Variants in DNA2 observed in about 807,000 individuals in gnomAD.
DNA2 encodes the protein DNA replication ATP-dependent helicase/nuclease DNA2.
A neutral mutation model predicts 119.1 loss-of-function variants in DNA2; 101 were observed. That is an observed-to-expected ratio of 0.85 (90% CI 0.72 to 1.00). The LOEUF (loss-of-function observed/expected upper bound fraction) is 1.00. Among genes scored for constraint, DNA2 ranks in the 50% least tolerant of loss-of-function variants. The pLI is 0.00. For missense variants in DNA2, 1,121 were observed against 1,255.5 expected (o/e 0.89, Z 1.62); for synonymous variants, 366 against 424.4 (o/e 0.86, Z 1.69).
chr10:68,453,156 C>T (rs2052142023), intron 5 of DNA2, among the ~76,000 whole-genome samples: 1 of 152,096 alleles, frequency 6.6e-6, no homozygotes, highest in Non-Finnish European at 1.5e-5. Flanking sequence ...CCATCTCAGC[C>T]TCCCAAAGTG....
At chr10:68,449,993 T>C in intron 6 of DNA2, 35 bp downstream of exon 6, 1 of 1,305,922 alleles carries the variant, frequency 7.7e-7, no homozygotes, top group Non-Finnish European at 1.0e-6. Context: ...AAAAAAAAAG[T>C]ATAAAACAGA....
At position 68,422,731 on chromosome 10, in the gene DNA2, G is replaced by A. The variant is rs781647240; in HGVS notation, c.2368C>T (p.Gln790Ter). The A allele has an allele frequency of 1.9e-6, 3 of 1,612,000 alleles. No individual in the cohort carries two copies. Among genetic ancestry groups the A allele is most frequent in the East Asian group, 4.5e-5 (2 of 44,868 alleles). ...RRFVLVGDHQ[Q>*]LPPLVLNREA... ...CGGTTTAGCACCAGGGGAGGAAGCT[G>A]CTGATGGTCCCCCACTAACACAAAT... The change falls in exon 15 of 21, where the codon CAG becomes TAG. Residue 790 changes from glutamine to a stop codon, truncating the protein, a stop_gained. Transcript: ENST00000358410. LOFTEE classifies it high-confidence loss of function.
At chr10:68,441,595 G>A (rs779635692) in intron 9 of DNA2, among the ~76,000 whole-genome samples, 2 of 152,046 alleles carry the variant, frequency 1.3e-5, no homozygotes, top group Admixed American at 1.3e-4. Flanking sequence ...GGCCAAGATG[G>A]TGAAACCCTG....
intron 17 of DNA2, 36 bp from the exon 18 acceptor site, chr10:68,419,928 A>C (rs372492594): frequency 6.4e-7 from 1 of 1,556,196 alleles, no homozygotes; most frequent in East Asian, 2.2e-5. Flanking sequence ...TGATAATACA[A>C]TCTCTAAAGA....
chr10:68,434,971 C>T lies in DNA2; in HGVS notation c.1646+2040G>A, dbSNP rs191449616. Among the ~76,000 whole-genome samples, 6 of 152,266 alleles carry T rather than the reference C, an allele frequency of 3.9e-5. No homozygotes were observed. The East Asian group carries it at 1.2e-3, about 29-fold the overall frequency. On this transcript the variant is annotated intron_variant, in intron 10 of 20. Transcript: ENST00000358410. ...ATGCCCGTATTAACTGTAAGAAATG[C>T]TGGAAAACACAATCCATCTGACTGT...
intron 2 of DNA2, among the ~76,000 whole-genome samples, chr10:68,468,567 A>G (rs1438493459): frequency 6.6e-6 from 1 of 152,180 alleles, no homozygotes; most frequent in Non-Finnish European, 1.5e-5. Flanking sequence ...AGGGAAAACA[A>G]CTTAGTGCCA....
At chr10:68,456,750 A>C (rs1002772868) in intron 5 of DNA2, among the ~76,000 whole-genome samples, 2 of 151,980 alleles carry the variant, frequency 1.3e-5, no homozygotes, top group Non-Finnish European at 2.9e-5. Flanking sequence ...AAATGTTATA[A>C]AATATTGAAA....
At chr10:68,470,807 A>C (rs1045867348) in intron 1 of DNA2, among the ~76,000 whole-genome samples, 1 of 152,180 alleles carries the variant, frequency 6.6e-6, no homozygotes, top group African/African-American at 2.4e-5. Context: ...GAGCCACAGA[A>C]TTGTACTTAG....
chr10:68,422,796 C>A lies in DNA2; in HGVS notation c.2303G>T (p.Ser768Ile), dbSNP rs370273531. 3.7e-6 allele frequency: 6 copies of A among 1,611,496 alleles called. No homozygotes were observed. The highest frequency in any genetic ancestry group is 5.1e-6 in the Non-Finnish European group (6 of 1,179,456). ...AAGGGGGCCCAGACAAATTGGTTGG[C>A]TAATTTGAGAGGCTTCATCCACAAT... ...FCIVDEASQISQPICLGPLFF... is the reference protein window; with the variant it reads ...FCIVDEASQIIQPICLGPLFF... Residue 768 changes from serine (S) to isoleucine (I), a missense_variant, in exon 15 of 21, where the codon AGC (serine) becomes ATC (isoleucine). Coordinates refer to ENST00000358410, the MANE Select transcript of DNA2 (RefSeq NM_001080449.3).
rs199595164 is a variant in DNA2, at chr10:68,442,975, G to T, written c.1357C>A (p.Gln453Lys). ...TGATTCTTTTTATTATCCTTCGATT[G>T]TGACTCCAGGGTTAACATTAGACAC... is the stretch of plus-strand genomic sequence containing the variant. ...LWCLMLTLES[Q>K]SKDNKKNHQN... Residue 453 changes from glutamine to lysine, a missense_variant, in exon 9 of 21, where the codon CAA (glutamine) becomes AAA (lysine). By Grantham distance (53) the Gln-to-Lys change is moderately conservative (BLOSUM62 1). Coordinates refer to ENST00000358410, the MANE Select transcript of DNA2 (RefSeq NM_001080449.3). 6.2e-7 allele frequency: 1 copy of T among 1,612,360 alleles called. No homozygotes were observed. Among genetic ancestry groups the T allele is most frequent in the Non-Finnish European group, 8.5e-7 (1 of 1,179,390 alleles).
At chr10:68,428,065 C>T (rs1206740006) in intron 14 of DNA2, among the ~76,000 whole-genome samples, 2 of 150,578 alleles carry the variant, frequency 1.3e-5, no homozygotes, top group Non-Finnish European at 3.0e-5. Flanking sequence ...CAGTGGCTCA[C>T]GCCTGTAATC....
At chr10:68,424,568 C>A in intron 14 of DNA2, 2 of 917,860 alleles carry the variant, frequency 2.2e-6, no homozygotes, top group Non-Finnish European at 3.6e-6. Context: ...CCATGAAGTT[C>A]AATCCCTTCG....
upstream of DNA2, chr10:68,472,052 A>G (rs1440191885): frequency 2.5e-6 from 4 of 1,599,288 alleles, no homozygotes; most frequent in Non-Finnish European, 3.4e-6. Flanking sequence ...GGGGCCCCTC[A>G]CCTGAGCAGC....
chr10:68,464,420 C>A (rs2052299927), intron 4 of DNA2, among the ~76,000 whole-genome samples: 1 of 151,952 alleles, frequency 6.6e-6, no homozygotes, highest in Non-Finnish European at 1.5e-5. Flanking sequence ...GAGGCTGAGG[C>A]AGGAAAATTG....
chr10:68,422,790 G>C lies in DNA2; in HGVS notation c.2309C>G (p.Pro770Arg). ...IVDEASQISQ[P>R]ICLGPLFFSR... ...AAAAAAAAGGGGGCCCAGACAAATT[G>C]GTTGGCTAATTTGAGAGGCTTCATC... is the stretch of plus-strand genomic sequence containing the variant. Residue 770 changes from proline (P) to arginine (R), a missense_variant, in exon 15 of 21, where the codon CCA becomes CGA. Pro to Arg is a moderately radical substitution (Grantham distance 103). Transcript: ENST00000358410. The C allele has an allele frequency of 6.2e-7, 1 of 1,609,980 alleles. No individual in the cohort carries two copies.
At chr10:68,424,739 A>T (rs897816361) in intron 14 of DNA2, 185 of 1,558,554 alleles carry the variant, frequency 1.2e-4, no homozygotes, top group Non-Finnish European at 1.5e-4. Context: ...TAGTTCAAGG[A>T]CACTACAAAG....
At chr10:68,432,913 G>C (rs146256311) in intron 10 of DNA2, among the ~76,000 whole-genome samples, 4 of 152,110 alleles carry the variant, frequency 2.6e-5, no homozygotes, top group South Asian at 2.1e-4. Context: ...GTATTCCCTA[G>C]AGTCCCTTCC....
At chr10:68,470,269 T>C in intron 1 of DNA2, 106 bp from the exon 2 acceptor site, 1 of 1,004,470 alleles carries the variant, frequency 1.0e-6, no homozygotes, top group Non-Finnish European at 1.4e-6. Flanking sequence ...GTTTCTTTCT[T>C]CTGAAAAGCT....
At chr10:68,430,732 A>T (rs2051809591) in intron 13 of DNA2, 72 bp from the exon 14 acceptor site, 2 of 1,181,668 alleles carry the variant, frequency 1.7e-6, no homozygotes, top group South Asian at 3.2e-5. Context: ...ACATGTTTAT[A>T]AACTTAACAA....
Sources: allele counts gnomAD v4.1 joint callset (sites outside exome capture counted in the v4.1 genomes callset), GRCh38; gene constraint gnomAD v4.1.1; transcripts MANE v1.5; gene names NCBI Gene and HGNC (gene_info 2026-07-23, HGNC 2026-07-21).